TMEM196: variants seen among roughly 807,000 people sequenced by gnomAD.
TMEM196 encodes the protein transmembrane protein 196.
Under a neutral mutation model 20.0 loss-of-function variants are expected in TMEM196, and 17 were observed. The observed-to-expected ratio is 0.85, with a 90% confidence interval of 0.58 to 1.27. The LOEUF is 1.27. TMEM196 is among the 50% of genes most tolerant of loss of function. TMEM196 has a pLI of 0.00. For synonymous variants in TMEM196, 113 were observed against 88.9 expected (o/e 1.27, Z -1.52); for missense variants, 267 against 223.0 (o/e 1.20, Z -1.26).
intron 1 of TMEM196, among the ~76,000 whole-genome samples, chr7:19,769,829 C>T (rs888796292): frequency 4.6e-5 from 7 of 152,056 alleles, no homozygotes; most frequent in African/African-American, 1.7e-4. Flanking sequence ...GGAAGATGTG[C>T]CTAGGTTATT....
chr7:19,752,539 G>A (rs967844505), intron 1 of TMEM196, among the ~76,000 whole-genome samples: 1 of 151,916 alleles, frequency 6.6e-6, no homozygotes, highest in Non-Finnish European at 1.5e-5. Flanking sequence ...TTCATTCCTA[G>A]TATGATTTTT....
intron 1 of TMEM196, among the ~76,000 whole-genome samples, chr7:19,760,513 AT>A (rs914563446): frequency 1.3e-5 from 2 of 151,532 alleles, no homozygotes; most frequent in Non-Finnish European, 2.9e-5. Context: ...GACATATGCC[AT>A]CACGCCCGGC....
intron 4 of TMEM196, among the ~76,000 whole-genome samples, chr7:19,724,014 G>A (rs1783900498): frequency 6.6e-6 from 1 of 151,988 alleles, no homozygotes; most frequent in African/African-American, 2.4e-5. Context: ...AATAAAAGGA[G>A]TCATGAATCA....
chr7:19,744,366 A>G (rs971396733), intron 1 of TMEM196, among the ~76,000 whole-genome samples: 1 of 152,200 alleles, frequency 6.6e-6, no homozygotes, highest in African/African-American at 2.4e-5. Flanking sequence ...AGAATAAAAA[A>G]TAACTTATAC....
chr7:19,759,318 CT>C (rs1181221670), intron 1 of TMEM196, among the ~76,000 whole-genome samples: 4 of 152,216 alleles, frequency 2.6e-5, no homozygotes, highest in South Asian at 2.1e-4. Context: ...TTACACCACT[CT>C]TTTGGTCCTC....
At chr7:19,723,776 T>G (rs1783891970) in intron 4 of TMEM196, among the ~76,000 whole-genome samples, 1 of 152,166 alleles carries the variant, frequency 6.6e-6, no homozygotes, top group Non-Finnish European at 1.5e-5. Flanking sequence ...TTTTAGCAAT[T>G]TGAAACGTGG....
chr7:19,721,273 C>A lies in TMEM196; in HGVS notation c.*855G>T, dbSNP rs1197310712. On this transcript the variant is annotated 3_prime_UTR_variant, in exon 5 of 5. Transcript: ENST00000405844. ...TAATACCCCCACAGCATCACAATTT[C>A]TTTTCTAATACCTATTTACATTCAT... 1.3e-5 allele frequency: 2 copies of A among 151,846 alleles called. No homozygotes were observed. Among genetic ancestry groups the A allele is most frequent in the African/African-American group, 2.4e-5 (1 of 41,418 alleles). 9.4% of individuals were successfully genotyped at this position (151,846 alleles called of 1,614,324 possible). A position where few individuals can be genotyped will look rare whatever the true frequency, so the allele number is the denominator to read the frequency against.
chr7:19,765,578 T>TTGTTTTATGGCATA (rs1233505981), intron 1 of TMEM196, among the ~76,000 whole-genome samples: 1 of 152,152 alleles, frequency 6.6e-6, no homozygotes, highest in Non-Finnish European at 1.5e-5. Flanking sequence ...TTTGAATACT[T>TTGTTTTATGGCATA]TGTTTTATGG....
At chr7:19,760,575 G>T (rs1785398682) in intron 1 of TMEM196, among the ~76,000 whole-genome samples, 1 of 151,782 alleles carries the variant, frequency 6.6e-6, no homozygotes, top group Non-Finnish European at 1.5e-5. Context: ...CAGCCAGGCT[G>T]GTCTCAAACT....
At chr7:19,752,861 C>G (rs1172526501) in intron 1 of TMEM196, among the ~76,000 whole-genome samples, 1 of 152,128 alleles carries the variant, frequency 6.6e-6, no homozygotes, top group East Asian at 1.9e-4. Context: ...GATCCACCTG[C>G]CTCAGCCTCC....
chr7:19,723,640 T>A (rs1209764038), intron 4 of TMEM196, among the ~76,000 whole-genome samples: 1 of 152,168 alleles, frequency 6.6e-6, no homozygotes, highest in Non-Finnish European at 1.5e-5. Flanking sequence ...GATTGTGGTT[T>A]AAATTTGGGC....
chr7:19,737,066 A>C (rs1340981502), intron 1 of TMEM196, among the ~76,000 whole-genome samples: 1 of 152,032 alleles, frequency 6.6e-6, no homozygotes, highest in South Asian at 2.1e-4. Context: ...AATAAACACC[A>C]CTGTAGAAAA....
chr7:19,742,201 T>G (rs1388330858), intron 1 of TMEM196, among the ~76,000 whole-genome samples: 3 of 152,176 alleles, frequency 2.0e-5, no homozygotes, highest in Non-Finnish European at 4.4e-5. Context: ...TCAATTTCTT[T>G]GTTATCTTAT....
At chr7:19,766,992 C>A (rs776329412) in intron 1 of TMEM196, among the ~76,000 whole-genome samples, 25 of 152,062 alleles carry the variant, frequency 1.6e-4, no homozygotes, top group Non-Finnish European at 3.4e-4. Context: ...TTCTATCAAG[C>A]AAACTGTCAA....
Position 19,726,066 on chromosome 7 carries a change from G to A in TMEM196, c.205-298C>T, listed in dbSNP as rs1038223685. On this transcript the variant is annotated intron_variant, in intron 2 of 4. Transcript: ENST00000405844. ...AACTCTGAAGCAAACAAAATTTATC[G>A]TCTAGGTAGATTCAGATTTAAATAT... is the stretch of plus-strand genomic sequence containing the variant. Among the ~76,000 whole-genome samples, 22 of 152,130 alleles carry A rather than the reference G, an allele frequency of 1.4e-4. No homozygotes were observed. The East Asian group carries it at 2.1e-3, about 15-fold the overall frequency.
chr7:19,757,932 A>C (rs1480991153), intron 1 of TMEM196, among the ~76,000 whole-genome samples: 1 of 151,466 alleles, frequency 6.6e-6, no homozygotes, highest in Non-Finnish European at 1.5e-5. Flanking sequence ...ATCTTTTAAA[A>C]TAGTGTTGAA....
At chr7:19,749,646 C>T (rs147556401) in intron 1 of TMEM196, among the ~76,000 whole-genome samples, 118 of 152,240 alleles carry the variant, frequency 7.8e-4, no homozygotes, top group African/African-American at 2.6e-3. Flanking sequence ...TCATCTCTTT[C>T]AATGCAAGGA....
At chr7:19,731,006 G>T (rs1470334120) in intron 1 of TMEM196, among the ~76,000 whole-genome samples, 2 of 152,144 alleles carry the variant, frequency 1.3e-5, no homozygotes, top group Non-Finnish European at 2.9e-5. Flanking sequence ...ATGCTTAAAT[G>T]CATTGGGAGA....
intron 2 of TMEM196, among the ~76,000 whole-genome samples, chr7:19,726,470 C>G (rs557960628): frequency 6.6e-6 from 1 of 152,118 alleles, no homozygotes; most frequent in African/African-American, 2.4e-5. Flanking sequence ...GAACTGACCC[C>G]TATATATTAC....
Sources: allele counts gnomAD v4.1 joint callset (sites outside exome capture counted in the v4.1 genomes callset), GRCh38; gene constraint gnomAD v4.1.1; transcripts MANE v1.5; gene names NCBI Gene and HGNC (gene_info 2026-07-23, HGNC 2026-07-21).